C10orf71: variants seen among roughly 807,000 people sequenced by gnomAD.
C10orf71 encodes cardiac-enriched FHL2-interacting protein.
For missense variants in C10orf71, 1,869 were observed against 1,804.5 expected (o/e 1.04, Z -0.65); for synonymous variants, 758 against 726.3 (o/e 1.04, Z -0.70).
rs769272748 is a variant in C10orf71, at chr10:49,324,337, G to A, written c.1792G>A (p.Ala598Thr). 33 of 1,613,500 alleles carry A rather than the reference G, an allele frequency of 2.0e-5. No homozygotes were observed. The highest frequency in any genetic ancestry group is 2.2e-5 in the Non-Finnish European group (26 of 1,179,802). Residue 598 changes from alanine (A) to threonine (T), a missense_variant, in exon 3 of 3, where the codon GCC becomes ACC. Coordinates refer to ENST00000374144, the MANE Select transcript of C10orf71 (RefSeq NM_001135196.2). ...YLTLSTAPTIAKAPFYVNGEA... is the reference protein window; with the variant it reads ...YLTLSTAPTITKAPFYVNGEA... ...AACTCTTAGCACAGCTCCGACTATCGCCAAAGCCCCCTTCTATGTCAATGG... is the reference window on the plus strand; with the variant it reads ...AACTCTTAGCACAGCTCCGACTATCACCAAAGCCCCCTTCTATGTCAATGG...
chr10:49,320,589 A>T (rs190544499), intron 2 of C10orf71, among the ~76,000 whole-genome samples: 2 of 152,372 alleles, frequency 1.3e-5, no homozygotes, highest in Admixed American at 1.3e-4. Context: ...TAAACCATGC[A>T]CAGTGAGAGA....
chr10:49,323,967 G>A lies in C10orf71; in HGVS notation c.1422G>A (p.Gln474=), dbSNP rs1396166041. The change falls in exon 3 of 3, where the codon CAG becomes CAA. Residue 474 remains glutamine (Q), a synonymous_variant. Coordinates refer to ENST00000374144, the MANE Select transcript of C10orf71 (RefSeq NM_001135196.2). ...AGCGAACCCCATCACCCCCAGGACA[G>A]CTAAACGGATACCAAGAGAAGGAGC... ...PAERTPSPPG[Q]LNGYQEKEPS... is the part of the protein sequence containing the mutation. The A allele has an allele frequency of 1.9e-6, 3 of 1,613,558 alleles. No homozygotes were observed. The highest frequency in any genetic ancestry group is 1.3e-5 in the African/African-American group (1 of 74,876).
chr10:49,321,553 T>C (rs955550144), intron 2 of C10orf71, among the ~76,000 whole-genome samples: 31 of 152,214 alleles, frequency 2.0e-4, no homozygotes, highest in African/African-American at 7.0e-4. Context: ...TTCATTTCCT[T>C]TGGGCCTGTA....
Position 49,325,535 on chromosome 10 carries a change from C to CCCCAAGGCACAT in C10orf71, c.2994_2995insAGGCACATCCCA (p.Pro998_Trp999insArgHisIlePro). 6.5e-7 allele frequency: 1 copy of CCCCAAGGCACAT among 1,550,124 alleles called. No homozygotes were observed. The highest frequency in any genetic ancestry group is 8.7e-7 in the Non-Finnish European group (1 of 1,145,762). ...TCTGCAGACTCAGGGAAGCTGGCAG[C>CCCCAAGGCACAT]CCCATGGCACATCCCCACCATTGCT... On this transcript the variant is annotated inframe_insertion, in exon 3 of 3. Coordinates refer to ENST00000374144, the MANE Select transcript of C10orf71 (RefSeq NM_001135196.2).
At chr10:49,318,999 A>G (rs1398688756) in intron 2 of C10orf71, among the ~76,000 whole-genome samples, 1 of 152,216 alleles carries the variant, frequency 6.6e-6, no homozygotes, top group Non-Finnish European at 1.5e-5. Flanking sequence ...CCAGCCAAGC[A>G]AGGAGGGGAG....
chr10:49,320,588 CA>C (rs1849078362), intron 2 of C10orf71, among the ~76,000 whole-genome samples: 1 of 152,196 alleles, frequency 6.6e-6, no homozygotes, highest in African/African-American at 2.4e-5. Context: ...ATAAACCATG[CA>C]CAGTGAGAGA....
At chr10:49,311,734 G>A (rs1381295743) in intron 1 of C10orf71, among the ~76,000 whole-genome samples, 1 of 152,236 alleles carries the variant, frequency 6.6e-6, no homozygotes, top group Non-Finnish European at 1.5e-5. Context: ...GACATTCCAG[G>A]AAGAGGGACT....
rs1477225470 is a variant in C10orf71, at chr10:49,322,453, T to C, written c.-93T>C. 3 of 1,414,326 alleles carry C rather than the reference T, an allele frequency of 2.1e-6. No homozygotes were observed. The highest frequency in any genetic ancestry group is 2.8e-6 in the Non-Finnish European group (3 of 1,070,178). 87.6% of individuals were successfully genotyped at this position (1,414,326 alleles called of 1,614,324 possible). A position where few individuals can be genotyped will look rare whatever the true frequency, so the allele number is the denominator to read the frequency against. The stretch of plus-strand genomic sequence containing the variant: ...ATTGCATCTGGTCAATGAGAGGCTC[T>C]AGTTTTGGGGAAGAGGGAAACACCT... On this transcript the variant is annotated 5_prime_UTR_variant, in exon 3 of 3. Transcript: ENST00000374144.
At chr10:49,313,075 A>G (rs1172827575) in intron 1 of C10orf71, among the ~76,000 whole-genome samples, 1 of 152,228 alleles carries the variant, frequency 6.6e-6, no homozygotes, top group African/African-American at 2.4e-5. Flanking sequence ...TCAGGCTAGC[A>G]GGAGGGACAA....
At chr10:49,308,940 T>A (rs1848864243) in intron 1 of C10orf71, among the ~76,000 whole-genome samples, 1 of 152,200 alleles carries the variant, frequency 6.6e-6, no homozygotes, top group African/African-American at 2.4e-5. Context: ...GGCCGAGGAC[T>A]GGGTGAGGCC....
intron 1 of C10orf71, among the ~76,000 whole-genome samples, chr10:49,310,448 GA>G (rs1848890969): frequency 6.6e-6 from 1 of 152,174 alleles, no homozygotes; most frequent in Non-Finnish European, 1.5e-5. Context: ...GGAGAAAGCA[GA>G]AGGTGGTAAG....
intron 1 of C10orf71, among the ~76,000 whole-genome samples, chr10:49,300,649 A>G (rs1564681050): frequency 6.6e-6 from 1 of 152,148 alleles, no homozygotes; most frequent in Non-Finnish European, 1.5e-5. Flanking sequence ...GCTTAGCAGT[A>G]GAATCACCAG....
At chr10:49,318,699 T>C (rs1849040201) in intron 2 of C10orf71, among the ~76,000 whole-genome samples, 1 of 152,292 alleles carries the variant, frequency 6.6e-6, no homozygotes, top group East Asian at 1.9e-4. Context: ...AAGACAAACA[T>C]TACTGACAGC....
rs116807371 is a variant in C10orf71, at chr10:49,322,706, C to T, written c.161C>T (p.Ala54Val). 9.0e-4 allele frequency: 1,456 copies of T among 1,613,978 alleles called. 18 individuals carry two copies. In the African/African-American group the frequency reaches 0.018, roughly 20 times the overall value. Residue 54 changes from alanine to valine, a missense_variant, in exon 3 of 3, where the codon GCT (alanine) becomes GTT (valine). Ala to Val is a moderately conservative substitution (Grantham distance 64). Transcript: ENST00000374144. ...EDTSFHDSYL[A>V]VSPDITRQVF... ...ACATCCTTCCATGACTCCTATCTGG[C>T]TGTGTCCCCGGATATCACCCGACAG...
At position 49,326,353 on chromosome 10, in the gene C10orf71, T is replaced by G. The variant is rs1054322700; in HGVS notation, c.3808T>G (p.Tyr1270Asp). The G allele has an allele frequency of 7.7e-6, 12 of 1,550,280 alleles. No individual in the cohort carries two copies. The highest frequency in any genetic ancestry group is 1.0e-5 in the Non-Finnish European group (12 of 1,146,856). The change falls in exon 3 of 3, where the codon TAC (tyrosine) becomes GAC (aspartate). Residue 1270 changes from tyrosine to aspartate, a missense_variant. Physicochemically the swap from Tyr to Asp is radical, Grantham distance 160. Coordinates refer to ENST00000374144, the MANE Select transcript of C10orf71 (RefSeq NM_001135196.2). ...GPQSLTPLPA[Y>D]PATQKVLQDP... ...CCAGTCCCTCACACCCCTGCCCGCGTACCCCGCCACCCAGAAGGTCCTCCA... is the reference window on the plus strand; with the variant it reads ...CCAGTCCCTCACACCCCTGCCCGCGGACCCCGCCACCCAGAAGGTCCTCCA...
intron 1 of C10orf71, among the ~76,000 whole-genome samples, chr10:49,309,551 C>T (rs1848875014): frequency 6.6e-6 from 1 of 152,218 alleles, no homozygotes. Context: ...CAAGCTAAGA[C>T]ATTCTCCTCA....
chr10:49,310,802 GTGA>G (rs1169360670), intron 1 of C10orf71, among the ~76,000 whole-genome samples: 3 of 55,230 alleles, frequency 5.4e-5, no homozygotes, highest in African/African-American at 1.6e-4. Context: ...GATGATGATG[GTGA>G]TGATGATGAT....
intron 1 of C10orf71, among the ~76,000 whole-genome samples, chr10:49,307,204 A>G (rs1848829910): frequency 6.6e-6 from 1 of 152,110 alleles, no homozygotes; most frequent in African/African-American, 2.4e-5. Context: ...AGGAGACGCC[A>G]AGGGCACCTC....
Position 49,327,122 on chromosome 10 carries a change from A to G in C10orf71, c.*269A>G, listed in dbSNP as rs1849278437. 1.7e-6 allele frequency: 2 copies of G among 1,167,754 alleles called. No individual in the cohort carries two copies. Among genetic ancestry groups the G allele is most frequent in the Non-Finnish European group, 2.3e-6 (2 of 866,204 alleles). 72.3% of individuals were successfully genotyped at this position (1,167,754 alleles called of 1,614,324 possible). On this transcript the variant is annotated 3_prime_UTR_variant, in exon 3 of 3. Transcript: ENST00000374144. ...CCGTGCCAGTTCCCAGGCGCACTCT[A>G]CTCCAGCCCTTCTCCCTCCCTCCCT...
Sources: allele counts gnomAD v4.1 joint callset (sites outside exome capture counted in the v4.1 genomes callset), GRCh38; gene constraint gnomAD v4.1.1; transcripts MANE v1.5; gene names NCBI Gene and HGNC (gene_info 2026-07-23, HGNC 2026-07-21).